The following MOB4 variants were observed in gnomAD, a reference collection of about 807,000 sequenced individuals.
MOB4 encodes MOB family member 4, phocein.
In MOB4, 4 loss-of-function variants were observed where a neutral mutation model predicts 32.2. The observed-to-expected ratio is 0.12, with a 90% CI of 0.06 to 0.28. The LOEUF is 0.28. MOB4 is among the 10% of genes least tolerant of loss of function. The pLI, the probability that MOB4 is intolerant of heterozygous loss-of-function variation, is 1.00. For synonymous variants in MOB4, 88 were observed against 88.1 expected, an observed-to-expected ratio of 1.00 and a Z score of 0.01; for missense variants, 158 against 271.2, an observed-to-expected ratio of 0.58 and a Z score of 2.93.
intron 2 of MOB4, among the ~76,000 whole-genome samples, chr2:197,531,836 TC>T (rs1404107174): frequency 6.6e-6 from 1 of 151,966 alleles, no homozygotes; most frequent in African/African-American, 2.4e-5. Context: ...AGCCACCTCG[TC>T]CAGCCTTCTT....
intron 1 of MOB4, among the ~76,000 whole-genome samples, chr2:197,522,703 A>T (rs910376586): frequency 1.3e-5 from 2 of 152,006 alleles, no homozygotes; most frequent in Non-Finnish European, 2.9e-5. Flanking sequence ...GAGAATAATA[A>T]TTTATAATTT....
At chr2:197,516,043 C>T, upstream of MOB4, 1 of 1,549,186 alleles carries the variant, frequency 6.5e-7, no homozygotes, top group Non-Finnish European at 8.7e-7. Flanking sequence ...AGGCTGCCGT[C>T]CCTACATCCG....
At chr2:197,543,777 T>C (rs1278706762) in intron 5 of MOB4, among the ~76,000 whole-genome samples, 1 of 152,126 alleles carries the variant, frequency 6.6e-6, no homozygotes, top group Non-Finnish European at 1.5e-5. Context: ...CTTGCTCTTT[T>C]GCCCAGGCTG....
At chr2:197,519,212 AT>A (rs2086471943) in intron 1 of MOB4, among the ~76,000 whole-genome samples, 1 of 152,200 alleles carries the variant, frequency 6.6e-6, no homozygotes, top group Admixed American at 6.5e-5. Flanking sequence ...TTGGTTTTCA[AT>A]AAATGTTTGT....
intron 2 of MOB4, among the ~76,000 whole-genome samples, chr2:197,529,526 A>G (rs568577415): frequency 9.3e-5 from 14 of 151,106 alleles, no homozygotes; most frequent in Admixed American, 4.0e-4. Context: ...TCATTTTTCT[A>G]TTTTTAGTAG....
chr2:197,516,643 C>G (rs1331671967), intron 1 of MOB4: 3 of 472,196 alleles, frequency 6.4e-6, no homozygotes, highest in Non-Finnish European at 1.3e-5. Context: ...CTAGCCGGAT[C>G]CGGGTGCCGA....
intron 1 of MOB4, 105 bp downstream of exon 1, chr2:197,516,251 C>G: frequency 6.7e-7 from 1 of 1,503,442 alleles, no homozygotes; most frequent in Non-Finnish European, 8.9e-7. Flanking sequence ...GGCAGGCGGG[C>G]GGGCTGGGGC....
intron 6 of MOB4, among the ~76,000 whole-genome samples, chr2:197,550,064 A>G (rs955505776): frequency 6.6e-6 from 1 of 152,182 alleles, no homozygotes; most frequent in East Asian, 1.9e-4. Context: ...TATAATGCTG[A>G]ATTTAAGTTA....
intron 2 of MOB4, among the ~76,000 whole-genome samples, chr2:197,532,685 CAAAAA>C (rs796974247): frequency 6.8e-6 from 1 of 146,868 alleles, no homozygotes; most frequent in African/African-American, 2.5e-5. Context: ...AACTCTATCT[CAAAAA>C]AAAAATAAGT....
chr2:197,547,839 T>C (rs2087024476), intron 5 of MOB4, among the ~76,000 whole-genome samples: 1 of 151,560 alleles, frequency 6.6e-6, no homozygotes, highest in African/African-American at 2.4e-5. Flanking sequence ...AGTGTTTCAT[T>C]GTTTCTTTTT....
intron 1 of MOB4, among the ~76,000 whole-genome samples, chr2:197,519,479 T>A (rs184166277): frequency 1.3e-5 from 2 of 152,336 alleles, no homozygotes; most frequent in Admixed American, 1.3e-4. Context: ...CATTCTGTTA[T>A]ATAGTTTAAA....
intron 5 of MOB4, among the ~76,000 whole-genome samples, chr2:197,543,853 C>A (rs2086941993): frequency 6.6e-6 from 1 of 151,310 alleles, no homozygotes; most frequent in African/African-American, 2.4e-5. Flanking sequence ...ATTCTCCTGT[C>A]TCAGCTTCCC....
At chr2:197,532,303 T>G (rs2086719634) in intron 2 of MOB4, among the ~76,000 whole-genome samples, 1 of 152,220 alleles carries the variant, frequency 6.6e-6, no homozygotes, top group African/African-American at 2.4e-5. Context: ...TCTTCAAGAT[T>G]GACAGCTTGT....
chr2:197,532,944 C>T (rs1358989433), intron 2 of MOB4, among the ~76,000 whole-genome samples: 1 of 151,984 alleles, frequency 6.6e-6, no homozygotes, highest in Non-Finnish European at 1.5e-5. Flanking sequence ...ACTAAAAATA[C>T]AGAAATTAGC....
intron 1 of MOB4, among the ~76,000 whole-genome samples, chr2:197,518,729 ATTTTAT>A (rs933290148): frequency 1.1e-4 from 17 of 151,660 alleles, no homozygotes; most frequent in Admixed American, 7.9e-4. Context: ...CGCCCGGCTA[ATTTTAT>A]TTTTATTTTT....
At chr2:197,531,030 ATTTTATTTTTAT>A (rs762943895) in intron 2 of MOB4, among the ~76,000 whole-genome samples, 14 of 150,442 alleles carry the variant, frequency 9.3e-5, no homozygotes, top group South Asian at 4.2e-4. Context: ...CATTTTTGCT[ATTTTATTTTTAT>A]TTTTATTTTT....
At chr2:197,531,874 C>T (rs1032772123) in intron 2 of MOB4, among the ~76,000 whole-genome samples, 1 of 151,882 alleles carries the variant, frequency 6.6e-6, no homozygotes, top group African/African-American at 2.4e-5. Context: ...ATGATAGTTG[C>T]TTTTATTGCA....
At chr2:197,534,611 T>G (rs777111853) in intron 2 of MOB4, among the ~76,000 whole-genome samples, 1 of 152,112 alleles carries the variant, frequency 6.6e-6, no homozygotes, top group Non-Finnish European at 1.5e-5. Context: ...GGCACGATCT[T>G]GGTTCACTGC....
At chr2:197,547,621 T>C (rs2087020019) in intron 5 of MOB4, among the ~76,000 whole-genome samples, 1 of 152,192 alleles carries the variant, frequency 6.6e-6, no homozygotes, top group African/African-American at 2.4e-5. Context: ...ACTTGAAAAA[T>C]AACCTAATTA....
Sources: gnomAD v4.1 joint callset for allele counts (sites outside exome capture counted in the v4.1 genomes callset) on GRCh38, gnomAD v4.1.1 for gene constraint, MANE v1.5 for transcripts, NCBI Gene and HGNC (gene_info 2026-07-23, HGNC 2026-07-21) for gene names.